The following IQCE variants were observed in gnomAD, a reference collection of about 807,000 sequenced individuals.
IQCE encodes the protein IQ domain-containing protein E.
In IQCE, 115 loss-of-function variants were observed where a neutral mutation model predicts 96.0. That is an observed-to-expected ratio of 1.20 (90% confidence interval 1.03 to 1.40). IQCE has a LOEUF of 1.40. Among genes scored for constraint, IQCE ranks in the 40% most tolerant of loss-of-function variants. The pLI is 0.00. For synonymous variants in IQCE, 412 were observed against 371.2 expected (o/e 1.11, Z -1.26); for missense variants, 1,041 against 909.1 (o/e 1.15, Z -1.87).
intron 18 of IQCE, among the ~76,000 whole-genome samples, chr7:2,604,517 A>G (rs1332319602): frequency 1.3e-5 from 2 of 152,226 alleles, no homozygotes; most frequent in Non-Finnish European, 1.5e-5. Flanking sequence ...AAGTAGATGA[A>G]ACCAATAAAC....
chr7:2,563,375 T>TTTTTTG (rs60896382), intron 1 of IQCE, among the ~76,000 whole-genome samples: 1 of 135,682 alleles, frequency 7.4e-6, no homozygotes, highest in African/African-American at 2.9e-5. Context: ...TAATTTTTTG[T>TTTTTTG]TGTGTGTGTG....
Position 2,606,012 on chromosome 7 carries a change from CG to C in IQCE, c.1865+19del. Reference sequence around the variant, plus strand: ...GCCAGGCACAGGTGAGTCAGGGTCACGGGGACGTGGGACACAGACATGGCAC... The same window carrying C: ...GCCAGGCACAGGTGAGTCAGGGTCACGGGACGTGGGACACAGACATGGCAC... On this transcript the variant is annotated intron_variant, in intron 20 of 21. Coordinates refer to ENST00000402050, the MANE Select transcript of IQCE (RefSeq NM_152558.5). 6.2e-7 allele frequency: 1 copy of C among 1,602,034 alleles called. No individual in the cohort carries two copies. Among genetic ancestry groups the C allele is most frequent in the Non-Finnish European group, 8.5e-7 (1 of 1,175,494 alleles).
At chr7:2,559,765 T>TGGG (rs59372092) in intron 1 of IQCE, among the ~76,000 whole-genome samples, 6 of 34,852 alleles carry the variant, frequency 1.7e-4, no homozygotes, top group Non-Finnish European at 2.2e-4. Flanking sequence ...TGCATTCCAG[T>TGGG]GGGGGGGGGG....
chr7:2,581,503 G>A (rs929772953), intron 8 of IQCE, among the ~76,000 whole-genome samples: 7 of 152,088 alleles, frequency 4.6e-5, no homozygotes, highest in African/African-American at 1.7e-4. Context: ...ACTGCACCCG[G>A]CCAACTAACA....
At chr7:2,571,186 T>G (rs1385314628) in intron 3 of IQCE, among the ~76,000 whole-genome samples, 1 of 152,028 alleles carries the variant, frequency 6.6e-6, no homozygotes, top group African/African-American at 2.4e-5. Flanking sequence ...ACCCAGCTAA[T>G]TTTTAGATTT....
At chr7:2,582,938 T>C (rs2289167) in intron 9 of IQCE, among the ~76,000 whole-genome samples, 87,198 of 151,894 alleles carry the variant, frequency 0.57, 25,146 homozygotes, top group South Asian at 0.62. Context: ...TCCTGCGCCG[T>C]CCTTGTGCTG....
chr7:2,571,280 A>C, intron 3 of IQCE: 1 of 419,284 alleles, frequency 2.4e-6, no homozygotes, highest in Non-Finnish European at 4.3e-6. Context: ...TAGCCTCCCA[A>C]GGTATTGGTA....
In IQCE at chr7:2,610,850, A is replaced by AC. The variant is rs993302906; in HGVS notation, c.*690dup. The AC allele has an allele frequency of 1.3e-5, 2 of 150,538 alleles. No individual in the cohort carries two copies. The highest frequency in any genetic ancestry group is 4.9e-5 in the African/African-American group (2 of 40,986). The allele number at this position is 150,538 out of a possible 1,614,324, so 9.3% of individuals were successfully genotyped here. A position where few individuals can be genotyped will look rare whatever the true frequency, so the allele number is the denominator to read the frequency against. ...TTGGTTGGATTCTGTCACTGTGGAGACCAAGATTTTTTAAAATTCCCAATT... is the reference window on the plus strand; with the variant it reads ...TTGGTTGGATTCTGTCACTGTGGAGACCCAAGATTTTTTAAAATTCCCAATT... On this transcript the variant is annotated 3_prime_UTR_variant, in exon 22 of 22. Coordinates refer to ENST00000402050, the MANE Select transcript of IQCE (RefSeq NM_152558.5).
At chr7:2,605,073 C>T (rs1784699629) in intron 19 of IQCE, 82 bp downstream of exon 19, 6 of 992,026 alleles carry the variant, frequency 6.0e-6, no homozygotes, top group Non-Finnish European at 9.2e-6. Context: ...AAGCGTAGGG[C>T]ACCCCTCAGC....
intron 21 of IQCE, 142 bp downstream of exon 21, chr7:2,607,369 C>A (rs761071554): frequency 3.5e-6 from 5 of 1,409,274 alleles, no homozygotes; most frequent in Non-Finnish European, 4.6e-6. Flanking sequence ...CTGAACTAAG[C>A]GTCGCCTTAT....
chr7:2,597,726 G>A lies in IQCE; in HGVS notation c.1441-739G>A, dbSNP rs145441179. Among the ~76,000 whole-genome samples, 249 of 152,290 alleles carry A rather than the reference G, an allele frequency of 1.6e-3. 2 individuals carry two copies. The highest frequency in any genetic ancestry group is 5.7e-3 in the African/African-American group (238 of 41,562). On this transcript the variant is annotated intron_variant, in intron 16 of 21. Transcript: ENST00000402050. ...TCTGTTGCCCAGGCTCGACTACAGC[G>A]GCACAATCATGGCTCACTGCAGCTT...
At chr7:2,588,574 C>G (rs1278282125) in intron 13 of IQCE, among the ~76,000 whole-genome samples, 1 of 147,614 alleles carries the variant, frequency 6.8e-6, no homozygotes, top group East Asian at 2.0e-4. Context: ...AGGATGGTCT[C>G]GATCTCCTGA....
At chr7:2,595,131 G>A (rs928264888) in intron 16 of IQCE, among the ~76,000 whole-genome samples, 155 bp downstream of exon 16, 3 of 152,202 alleles carry the variant, frequency 2.0e-5, no homozygotes, top group Non-Finnish European at 2.9e-5. Flanking sequence ...CTCATGTCGT[G>A]TGTATCGAAG....
chr7:2,567,704 C>T (rs1355985405), intron 2 of IQCE, among the ~76,000 whole-genome samples: 2 of 152,082 alleles, frequency 1.3e-5, no homozygotes, highest in South Asian at 2.1e-4. Context: ...CGTGTATGAG[C>T]GAAAAAAGCT....
intron 3 of IQCE, among the ~76,000 whole-genome samples, chr7:2,569,999 C>T (rs1325420072): frequency 6.6e-6 from 1 of 152,128 alleles, no homozygotes; most frequent in Non-Finnish European, 1.5e-5. Flanking sequence ...CCGGGGGTGC[C>T]TCCTGACTCA....
At chr7:2,587,966 A>G (rs755961711) in intron 13 of IQCE, 89 bp downstream of exon 13, 7 of 1,224,474 alleles carry the variant, frequency 5.7e-6, no homozygotes, top group Non-Finnish European at 7.2e-6. Flanking sequence ...GGTGGCGCTG[A>G]GCATGGCACT....
chr7:2,606,808 A>G (rs1359832290), intron 20 of IQCE, among the ~76,000 whole-genome samples: 2 of 152,116 alleles, frequency 1.3e-5, no homozygotes, highest in Admixed American at 6.5e-5. Flanking sequence ...TCCCCGGGGA[A>G]TGGCAGCTGG....
At chr7:2,599,740 G>A (rs372388498) in intron 17 of IQCE, among the ~76,000 whole-genome samples, 2 of 151,950 alleles carry the variant, frequency 1.3e-5, no homozygotes, top group Non-Finnish European at 1.5e-5. Flanking sequence ...ACCTGCCTCC[G>A]CCTCCCGGAG....
chr7:2,568,964 G>C lies in IQCE; in HGVS notation c.95G>C (p.Arg32Thr). Residue 32 changes from arginine to threonine, a missense_variant, in exon 3 of 22, where the codon AGG becomes ACG. By Grantham distance (71) the Arg-to-Thr change is moderately conservative. Coordinates refer to ENST00000402050, the MANE Select transcript of IQCE (RefSeq NM_152558.5). ...TCTTCTTTCTTTCAGAAAGCAAAAA[G>C]GAAAGCTTTCCACAAACCTCCACCC... ...FDSDVETKAK[R>T]KAFHKPPPTS... 1 of 1,613,488 alleles carries C rather than the reference G, an allele frequency of 6.2e-7. No homozygotes were observed.
Sources: gnomAD v4.1 joint callset for allele counts (sites outside exome capture counted in the v4.1 genomes callset) on GRCh38, gnomAD v4.1.1 for gene constraint, MANE v1.5 for transcripts, NCBI Gene and HGNC (gene_info 2026-07-23, HGNC 2026-07-21) for gene names.